Variants in WWOX observed in about 807,000 individuals in gnomAD.
WWOX encodes the protein WW domain-containing oxidoreductase.
WWOX carries 69 observed loss-of-function variants against 46.2 expected under a neutral mutation model. That is an observed-to-expected ratio of 1.49 (90% CI 1.23 to 1.82). The LOEUF is 1.82. Ranked by LOEUF, WWOX falls within the 40% of genes most tolerant of loss-of-function variation. The probability of loss-of-function intolerance (pLI) is 0.00; values close to 1 mark genes in which losing one functional copy is unlikely to be tolerated. For synonymous variants in WWOX, 359 were observed against 202.6 expected (o/e 1.77, Z -6.56); for missense variants, 919 against 542.6 (o/e 1.69, Z -6.89).
At chr16:78,444,908 C>T (rs58322640) in intron 8 of WWOX, among the ~76,000 whole-genome samples, 2,605 of 152,224 alleles carry the variant, frequency 0.017, 77 homozygotes, top group African/African-American at 0.058. Context: ...CTGTTTTTCC[C>T]TTTGTTGGAA....
intron 8 of WWOX, among the ~76,000 whole-genome samples, chr16:78,640,120 A>G (rs1028291690): frequency 2.0e-4 from 30 of 151,844 alleles, no homozygotes; most frequent in African/African-American, 7.3e-4. Context: ...TTGAGAAGAA[A>G]TGGATCTTCA....
At chr16:78,634,097 G>T (rs983964323) in intron 8 of WWOX, among the ~76,000 whole-genome samples, 4 of 152,120 alleles carry the variant, frequency 2.6e-5, no homozygotes, top group Non-Finnish European at 5.9e-5. Flanking sequence ...GCAGGTTGGA[G>T]ATGCAGCTAT....
intron 8 of WWOX, among the ~76,000 whole-genome samples, chr16:79,072,829 C>A (rs904023921): frequency 8.5e-5 from 13 of 152,116 alleles, no homozygotes; most frequent in African/African-American, 2.7e-4. Flanking sequence ...TTCTTATTTT[C>A]AAATGCATGT....
chr16:78,389,648 A>G (rs2082137422), intron 6 of WWOX, among the ~76,000 whole-genome samples: 1 of 152,206 alleles, frequency 6.6e-6, no homozygotes, highest in Non-Finnish European at 1.5e-5. Flanking sequence ...TAGAGAGGAT[A>G]TATAATTTAT....
intron 8 of WWOX, among the ~76,000 whole-genome samples, chr16:78,587,560 G>A (rs1193280814): frequency 6.6e-6 from 1 of 151,976 alleles, no homozygotes; most frequent in Admixed American, 6.6e-5. Context: ...TTCGCTCACT[G>A]CCCTCCCCTG....
chr16:79,164,897 C>A (rs919771079), intron 8 of WWOX, among the ~76,000 whole-genome samples: 1 of 152,060 alleles, frequency 6.6e-6, no homozygotes, highest in Non-Finnish European at 1.5e-5. Context: ...CAGGCAAACC[C>A]ACACACCACA....
intron 8 of WWOX, among the ~76,000 whole-genome samples, chr16:78,903,663 T>A (rs867542212): frequency 6.6e-6 from 1 of 152,172 alleles, no homozygotes; most frequent in Non-Finnish European, 1.5e-5. Flanking sequence ...GCCTGCAGAT[T>A]CTATTCCCCA....
chr16:78,245,638 A>G (rs1243466731), intron 5 of WWOX, among the ~76,000 whole-genome samples: 3 of 152,226 alleles, frequency 2.0e-5, no homozygotes, highest in Admixed American at 1.3e-4. Context: ...TGCCTCACTA[A>G]TGTGCATGTC....
chr16:78,902,158 C>T (rs558597683), intron 8 of WWOX, among the ~76,000 whole-genome samples: 1 of 152,174 alleles, frequency 6.6e-6, no homozygotes, highest in African/African-American at 2.4e-5. Context: ...CATTTTTCTT[C>T]TGGAGAATCG....
intron 8 of WWOX, among the ~76,000 whole-genome samples, chr16:78,615,388 C>A (rs1408968937): frequency 6.6e-6 from 1 of 152,110 alleles, no homozygotes; most frequent in Non-Finnish European, 1.5e-5. Flanking sequence ...GCACCTCACA[C>A]CTGTAATTTC....
intron 8 of WWOX, among the ~76,000 whole-genome samples, chr16:78,528,165 A>ATTTTTTTTTTT (rs56803717): frequency 3.4e-5 from 2 of 58,396 alleles, no homozygotes; most frequent in African/African-American, 1.7e-4. Flanking sequence ...CACCTGGCTA[A>ATTTTTTTTTTT]TTTTTTTTTT....
intron 5 of WWOX, among the ~76,000 whole-genome samples, chr16:78,382,386 G>T (rs150711511): frequency 1.3e-5 from 2 of 152,170 alleles, no homozygotes; most frequent in African/African-American, 4.8e-5. Flanking sequence ...GACAACAGAG[G>T]CTCCATCCAC....
At chr16:78,900,118 C>G (rs1289828406) in intron 8 of WWOX, among the ~76,000 whole-genome samples, 1 of 47,084 alleles carries the variant, frequency 2.1e-5, no homozygotes, top group African/African-American at 9.0e-5. Flanking sequence ...TATTTTATTT[C>G]TTTATTACTG....
chr16:78,183,396 G>A (rs1399768501), intron 5 of WWOX, among the ~76,000 whole-genome samples: 3 of 152,144 alleles, frequency 2.0e-5, no homozygotes, highest in African/African-American at 4.8e-5. Context: ...GGTTATGAGC[G>A]TGAAAGGTTT....
intron 8 of WWOX, among the ~76,000 whole-genome samples, chr16:78,707,210 C>G (rs1031065331): frequency 7.9e-5 from 12 of 152,144 alleles, no homozygotes; most frequent in African/African-American, 2.9e-4. Flanking sequence ...TTACTCCCAT[C>G]AGAGCACCAT....
At chr16:78,883,538 A>C (rs2044387706) in intron 8 of WWOX, among the ~76,000 whole-genome samples, 1 of 152,150 alleles carries the variant, frequency 6.6e-6, no homozygotes, top group Non-Finnish European at 1.5e-5. Context: ...AGCCTGGCGA[A>C]CATGGCAAAA....
At chr16:78,666,765 T>C (rs975229130) in intron 8 of WWOX, among the ~76,000 whole-genome samples, 10 of 152,206 alleles carry the variant, frequency 6.6e-5, no homozygotes, top group Non-Finnish European at 8.8e-5. Flanking sequence ...TTGTGTTCTT[T>C]CCTGGAGAGA....
chr16:78,820,123 G>A (rs968107842), intron 8 of WWOX, among the ~76,000 whole-genome samples: 1 of 152,142 alleles, frequency 6.6e-6, no homozygotes, highest in Non-Finnish European at 1.5e-5. Flanking sequence ...TGGCACTCTA[G>A]TAGGCTCTCA....
chr16:78,774,220 G>A (rs1301958638), intron 8 of WWOX, among the ~76,000 whole-genome samples: 1 of 152,162 alleles, frequency 6.6e-6, no homozygotes, highest in African/African-American at 2.4e-5. Context: ...GGCCAACATG[G>A]TGAAACCCTG....
Sources: allele counts gnomAD v4.1 joint callset (sites outside exome capture counted in the v4.1 genomes callset), GRCh38; gene constraint gnomAD v4.1.1; transcripts MANE v1.5; gene names NCBI Gene and HGNC (gene_info 2026-07-23, HGNC 2026-07-21).